SIPA1L2: variants seen among roughly 807,000 people sequenced by gnomAD.
SIPA1L2 encodes the protein signal induced proliferation associated 1 like 2, also known as signal-induced proliferation-associated 1-like protein 2.
SIPA1L2 carries 56 observed loss-of-function variants against 163.9 expected under a neutral mutation model. That is an observed-to-expected ratio of 0.34 (90% CI 0.28 to 0.43). The LOEUF (loss-of-function observed/expected upper bound fraction) is 0.43. Among genes scored for constraint, SIPA1L2 ranks in the 20% least tolerant of loss-of-function variants. SIPA1L2 has a pLI of 1.00. For synonymous variants in SIPA1L2, 877 were observed against 865.7 expected (o/e 1.01, Z -0.23); for missense variants, 1,974 against 2,193.5 (o/e 0.90, Z 2.00).
At chr1:232,601,287 G>A (rs761160380) in intron 1 of SIPA1L2, among the ~76,000 whole-genome samples, 5 of 152,166 alleles carry the variant, frequency 3.3e-5, no homozygotes, top group Admixed American at 6.5e-5. Flanking sequence ...ATGTTGCCCA[G>A]GCTAGTCTCA....
At chr1:232,437,370 A>T (rs1051754058) in intron 15 of SIPA1L2, among the ~76,000 whole-genome samples, 1 of 152,216 alleles carries the variant, frequency 6.6e-6, no homozygotes. Context: ...AATTCAGATG[A>T]CCAAATTCAC....
At chr1:232,474,636 A>G (rs905663963) in intron 7 of SIPA1L2, among the ~76,000 whole-genome samples, 13 of 152,228 alleles carry the variant, frequency 8.5e-5, no homozygotes, top group Admixed American at 5.2e-4. Flanking sequence ...CAACACAAAG[A>G]TAAGTGTTTG....
intron 15 of SIPA1L2, among the ~76,000 whole-genome samples, chr1:232,435,768 T>C (rs1280932927): frequency 6.6e-6 from 1 of 152,212 alleles, no homozygotes; most frequent in Non-Finnish European, 1.5e-5. Context: ...TTAAAAGAAC[T>C]GAACAGCAGG....
intron 20 of SIPA1L2, among the ~76,000 whole-genome samples, 173 bp from the exon 21 acceptor site, chr1:232,403,744 G>C (rs983490784): frequency 2.0e-5 from 3 of 152,222 alleles, no homozygotes; most frequent in African/African-American, 7.2e-5. Flanking sequence ...CTGAGAAGGA[G>C]AAAGCATGGA....
At chr1:232,477,856 A>G (rs548443686) in intron 7 of SIPA1L2, among the ~76,000 whole-genome samples, 2 of 152,342 alleles carry the variant, frequency 1.3e-5, no homozygotes, top group South Asian at 4.1e-4. Context: ...GGGCCAATTC[A>G]GCCTGAAGTC....
intron 1 of SIPA1L2, among the ~76,000 whole-genome samples, chr1:232,599,701 C>A (rs565529000): frequency 1.3e-5 from 2 of 152,240 alleles, no homozygotes; most frequent in African/African-American, 2.4e-5. Flanking sequence ...CCTGCTGTAG[C>A]CCCGGGCAAA....
At chr1:232,440,861 T>C (rs1353069729) in intron 14 of SIPA1L2, among the ~76,000 whole-genome samples, 1 of 152,214 alleles carries the variant, frequency 6.6e-6, no homozygotes. Context: ...TGCTCTACCC[T>C]GACATGTGTA....
chr1:232,467,869 G>A (rs1437619972), intron 8 of SIPA1L2, among the ~76,000 whole-genome samples: 4 of 152,200 alleles, frequency 2.6e-5, no homozygotes, highest in African/African-American at 9.6e-5. Context: ...CCACTGTGGT[G>A]TCACATAGTA....
intron 8 of SIPA1L2, among the ~76,000 whole-genome samples, chr1:232,470,013 A>G (rs532109901): frequency 6.6e-6 from 1 of 152,080 alleles, no homozygotes; most frequent in Non-Finnish European, 1.5e-5. Context: ...CACCCATAAA[A>G]TAACACCAAA....
At chr1:232,450,361 T>A (rs1663499047) in intron 10 of SIPA1L2, among the ~76,000 whole-genome samples, 1 of 152,208 alleles carries the variant, frequency 6.6e-6, no homozygotes, top group Non-Finnish European at 1.5e-5. Flanking sequence ...AGATACCACA[T>A]CCCTAGGGCT....
chr1:232,495,437 T>C (rs1008472346), intron 3 of SIPA1L2, among the ~76,000 whole-genome samples: 2 of 151,794 alleles, frequency 1.3e-5, no homozygotes, highest in Admixed American at 6.6e-5. Context: ...TGGTGGCAGG[T>C]GCCTATAGTC....
intron 2 of SIPA1L2, among the ~76,000 whole-genome samples, chr1:232,537,509 A>G (rs915765249): frequency 1.3e-5 from 2 of 152,346 alleles, no homozygotes; most frequent in Non-Finnish European, 1.5e-5. Context: ...TGAAGCAACA[A>G]GGAATACTTC....
intron 7 of SIPA1L2, among the ~76,000 whole-genome samples, chr1:232,471,963 A>G (rs1664823545): frequency 6.6e-6 from 1 of 152,230 alleles, no homozygotes; most frequent in Admixed American, 6.5e-5. Context: ...CCCACAGTAA[A>G]GTAACGTGCA....
At chr1:232,510,366 T>C (rs1275308201) in intron 3 of SIPA1L2, among the ~76,000 whole-genome samples, 3 of 152,210 alleles carry the variant, frequency 2.0e-5, no homozygotes, top group Admixed American at 6.5e-5. Flanking sequence ...TGCGTGACTA[T>C]AGTCTAGAAT....
At chr1:232,608,047 C>CAAAAAAACAAAAAAAAAAAAAA (rs1662039814) in intron 1 of SIPA1L2, among the ~76,000 whole-genome samples, 1 of 67,496 alleles carries the variant, frequency 1.5e-5, no homozygotes. Context: ...AACTCCATCT[C>CAAAAAAACAAAAAAAAAAAAAA]AAAAAAAAAA....
chr1:232,475,146 T>C (rs1274021761), intron 7 of SIPA1L2, among the ~76,000 whole-genome samples: 1 of 152,144 alleles, frequency 6.6e-6, no homozygotes, highest in Non-Finnish European at 1.5e-5. Context: ...TGAATCTAAA[T>C]CCTGTTACTA....
intron 17 of SIPA1L2, among the ~76,000 whole-genome samples, chr1:232,428,012 A>G (rs575152038): frequency 6.6e-6 from 1 of 152,352 alleles, no homozygotes; most frequent in South Asian, 2.1e-4. Context: ...GAGCTGTACT[A>G]GGCTCTTCAG....
intron 15 of SIPA1L2, among the ~76,000 whole-genome samples, chr1:232,434,073 G>C (rs1057210898): frequency 6.6e-6 from 1 of 152,164 alleles, no homozygotes; most frequent in Non-Finnish European, 1.5e-5. Context: ...GATTATTCAC[G>C]AGTAGGAGTC....
Position 232,490,362 on chromosome 1 carries a change from C to T in SIPA1L2, c.1806+512G>A, listed in dbSNP as rs74772628. 1.8e-4 allele frequency among the ~76,000 whole-genome samples: 28 copies of T among 152,284 alleles called. No homozygotes were observed. The East Asian group carries it at 4.8e-3, about 26-fold the overall frequency. ...TTCCCCAAGGTACTCACTACATTTA[C>T]ACCTCTCCAAGATCTCTTACCAGAT... On this transcript the variant is annotated intron_variant, in intron 5 of 22. Coordinates refer to ENST00000674635, the MANE Select transcript of SIPA1L2 (RefSeq NM_020808.5).
Sources: gnomAD v4.1 joint callset for allele counts (sites outside exome capture counted in the v4.1 genomes callset) on GRCh38, gnomAD v4.1.1 for gene constraint, MANE v1.5 for transcripts, NCBI Gene and HGNC (gene_info 2026-07-23, HGNC 2026-07-21) for gene names.